The following PVT1 variants were observed in gnomAD, a reference collection of about 807,000 sequenced individuals.
PVT1 encodes CXCR4/PVT1 fusion.
intron 2 of PVT1, among the ~76,000 whole-genome samples, chr8:127,831,137 C>CTA (rs1244488878): frequency 1.9e-5 from 2 of 104,796 alleles, no homozygotes. Flanking sequence ...ATATCTATAT[C>CTA]TATCTCTCTC....
At chr8:127,951,972 C>T (rs1318791572) in intron 3 of PVT1, among the ~76,000 whole-genome samples, 10 of 152,010 alleles carry the variant, frequency 6.6e-5, no homozygotes, top group Admixed American at 2.6e-4. Context: ...TATGCCACCA[C>T]GCTCGACTAA....
At chr8:128,091,463 C>T (rs993900104) in intron 5 of PVT1, among the ~76,000 whole-genome samples, 1 of 152,168 alleles carries the variant, frequency 6.6e-6, no homozygotes, top group South Asian at 2.1e-4. Flanking sequence ...CTCACCCGCT[C>T]CTCCCCCAAC....
At chr8:127,876,034 C>G (rs547682224) in intron 2 of PVT1, among the ~76,000 whole-genome samples, 5 of 152,256 alleles carry the variant, frequency 3.3e-5, no homozygotes, top group African/African-American at 1.2e-4. Flanking sequence ...CTCCACCCCC[C>G]CTCACCCTCA....
intron 4 of PVT1, among the ~76,000 whole-genome samples, chr8:128,018,621 G>C (rs79600542): frequency 1.3e-5 from 2 of 152,184 alleles, no homozygotes; most frequent in Non-Finnish European, 2.9e-5. Flanking sequence ...GGTCAAACAG[G>C]GGGTGTATTC....
At chr8:127,915,867 T>C (rs1815978203) in intron 3 of PVT1, among the ~76,000 whole-genome samples, 1 of 152,268 alleles carries the variant, frequency 6.6e-6, no homozygotes, top group Non-Finnish European at 1.5e-5. Context: ...CTTCAGATTC[T>C]TGGCTCATGC....
At chr8:128,068,801 GTTTAT>G (rs1813946073) in intron 4 of PVT1, among the ~76,000 whole-genome samples, 1 of 152,178 alleles carries the variant, frequency 6.6e-6, no homozygotes. Context: ...CAGTTTTGGG[GTTTAT>G]TTTAAGAATG....
At chr8:128,032,117 A>C (rs1813398799) in intron 4 of PVT1, among the ~76,000 whole-genome samples, 1 of 152,188 alleles carries the variant, frequency 6.6e-6, no homozygotes, top group Admixed American at 6.5e-5. Context: ...AGGCGGAATC[A>C]TTTTGAAATC....
chr8:128,059,216 A>G (rs1032473155), intron 4 of PVT1, among the ~76,000 whole-genome samples: 11 of 152,086 alleles, frequency 7.2e-5, no homozygotes, highest in African/African-American at 1.9e-4. Context: ...CCCTTTGTAC[A>G]ATTATGATAA....
At chr8:127,853,732 G>T in intron 2 of PVT1, among the ~76,000 whole-genome samples, 1 of 151,880 alleles carries the variant, frequency 6.6e-6, no homozygotes, top group Non-Finnish European at 1.5e-5. Context: ...AATGAGCCAA[G>T]ATTGTGCTGC....
intron 4 of PVT1, among the ~76,000 whole-genome samples, chr8:128,041,921 C>T (rs1813550550): frequency 6.6e-6 from 1 of 152,122 alleles, no homozygotes; most frequent in South Asian, 2.1e-4. Context: ...TATCACAGTC[C>T]CTCCAGTGTT....
chr8:128,055,788 A>C (rs1813755789), intron 4 of PVT1, among the ~76,000 whole-genome samples: 1 of 152,202 alleles, frequency 6.6e-6, no homozygotes, highest in Admixed American at 6.5e-5. Flanking sequence ...CATCACGAGC[A>C]GTCTAGCTCA....
intron 2 of PVT1, among the ~76,000 whole-genome samples, chr8:127,827,657 G>A (rs1378855998): frequency 2.0e-5 from 3 of 152,082 alleles, no homozygotes; most frequent in Non-Finnish European, 4.4e-5. Context: ...TGCTCCCCCA[G>A]GCCCCATGCA....
intron 3 of PVT1, among the ~76,000 whole-genome samples, chr8:127,907,893 C>T (rs571554165): frequency 6.6e-6 from 1 of 152,142 alleles, no homozygotes; most frequent in East Asian, 1.9e-4. Context: ...GAAAGTGCTG[C>T]AGAAAGGAGC....
At chr8:127,811,151 G>A (rs566334771) in intron 2 of PVT1, among the ~76,000 whole-genome samples, 100 of 152,246 alleles carry the variant, frequency 6.6e-4, no homozygotes, top group African/African-American at 2.2e-3. Flanking sequence ...TGTTAATAGA[G>A]GCTGCTGTTA....
chr8:128,006,329 G>A (rs1817247551), intron 4 of PVT1, among the ~76,000 whole-genome samples: 1 of 152,024 alleles, frequency 6.6e-6, no homozygotes, highest in African/African-American at 2.4e-5. Context: ...CTGGTCAACA[G>A]TACAATGCTC....
At chr8:127,981,133 G>A (rs1816878806) in intron 3 of PVT1, among the ~76,000 whole-genome samples, 1 of 152,160 alleles carries the variant, frequency 6.6e-6, no homozygotes, top group Admixed American at 6.5e-5. Context: ...TAGCTTCTGT[G>A]TGTGTGTGTG....
At chr8:128,089,839 C>T (rs998732448) in intron 5 of PVT1, among the ~76,000 whole-genome samples, 3 of 152,112 alleles carry the variant, frequency 2.0e-5, no homozygotes, top group Non-Finnish European at 4.4e-5. Context: ...TATTAGAAAC[C>T]GTTAGAGAAT....
Position 128,043,235 on chromosome 8 carries a change from T to G in PVT1, n.913-26925T>G, listed in dbSNP as rs112177163. ...GAATATAATGAAAATTTCTGAATTT[T>G]GGATGTAGGCAATAACTTCAAAAAT... On this transcript the variant is annotated intron_variant and non_coding_transcript_variant, in intron 4 of 10. Coordinates refer to ENST00000651587, the Ensembl canonical transcript of PVT1. 1.1e-4 allele frequency among the ~76,000 whole-genome samples: 17 copies of G among 152,342 alleles called. 1 individual carries two copies. Among genetic ancestry groups the G allele is most frequent in the African/African-American group, 2.9e-4 (12 of 41,568 alleles).
chr8:127,800,907 T>C (rs1814456143), intron 2 of PVT1, among the ~76,000 whole-genome samples: 1 of 152,152 alleles, frequency 6.6e-6, no homozygotes, highest in Non-Finnish European at 1.5e-5. Context: ...GCAGGGTCAG[T>C]GTCTGGAGGG....
Sources: allele counts gnomAD v4.1 joint callset (sites outside exome capture counted in the v4.1 genomes callset), GRCh38; gene constraint gnomAD v4.1.1; transcripts MANE v1.5; gene names NCBI Gene and HGNC (gene_info 2026-07-23, HGNC 2026-07-21).